Variants in NINJ2 observed in about 807,000 individuals in gnomAD.
NINJ2 encodes ninjurin 2.
A neutral mutation model predicts 11.7 loss-of-function variants in NINJ2; 12 were observed. That is an observed-to-expected ratio of 1.02 (90% CI 0.66 to 1.66). The LOEUF (loss-of-function observed/expected upper bound fraction) is 1.66. Ranked by LOEUF, NINJ2 falls within the 40% of genes most tolerant of loss-of-function variation. The pLI, the probability that NINJ2 is intolerant of heterozygous loss-of-function variation, is 0.00. For missense variants in NINJ2, 187 were observed against 181.8 expected (o/e 1.03, Z -0.16); for synonymous variants, 93 against 76.8 (o/e 1.21, Z -1.10).
At chr12:623,611 G>A (rs913407400) in intron 1 of NINJ2, among the ~76,000 whole-genome samples, 1 of 152,268 alleles carries the variant, frequency 6.6e-6, no homozygotes, top group African/African-American at 2.4e-5. Context: ...TGGGATGAGT[G>A]AGAGGCGACA....
chr12:608,049 C>T (rs1360711224), intron 1 of NINJ2, among the ~76,000 whole-genome samples: 3 of 152,120 alleles, frequency 2.0e-5, no homozygotes, highest in Non-Finnish European at 2.9e-5. Context: ...TCTGGGCCCT[C>T]GGTGTGCTGT....
chr12:620,898 G>A (rs560931260), intron 1 of NINJ2, among the ~76,000 whole-genome samples: 2 of 152,260 alleles, frequency 1.3e-5, no homozygotes, highest in South Asian at 2.1e-4. Context: ...CCAGAGTGCT[G>A]GGATTACAGG....
At chr12:577,292 T>C (rs1212708907) in intron 1 of NINJ2, among the ~76,000 whole-genome samples, 14 of 148,096 alleles carry the variant, frequency 9.5e-5, no homozygotes. Context: ...GAAGTTAAGC[T>C]AGGCTAAACT....
At position 581,125 on chromosome 12, in the gene NINJ2, G is replaced by T. The variant is rs1344650545; in HGVS notation, c.34-14947C>A. ...TGTGTGTCTGTGTCTGTGTGTGCGT[G>T]TCTCTGTGCCTCTGTGTGTGTGTGC... On this transcript the variant is annotated intron_variant, in intron 1 of 3. Coordinates refer to ENST00000305108, the MANE Select transcript of NINJ2 (RefSeq NM_016533.6). This position sits in a 1 kb window ranked among gnomAD's most constrained non-coding sequence, Gnocchi z 4.9. Among the ~76,000 whole-genome samples the T allele has an allele frequency of 1.3e-5, 2 of 150,964 alleles. No homozygotes were observed. Among genetic ancestry groups the T allele is most frequent in the Non-Finnish European group, 3.0e-5 (2 of 67,726 alleles).
chr12:612,363 A>G (rs1008201066), intron 1 of NINJ2, among the ~76,000 whole-genome samples: 2 of 152,056 alleles, frequency 1.3e-5, no homozygotes, highest in Admixed American at 6.6e-5. Context: ...CCAATTCCAC[A>G]CACCTAGGAG....
At chr12:627,932 C>T (rs1236786005) in intron 1 of NINJ2, among the ~76,000 whole-genome samples, 2 of 152,122 alleles carry the variant, frequency 1.3e-5, no homozygotes, top group Non-Finnish European at 2.9e-5. Flanking sequence ...GAGACTCCGT[C>T]TCAAAAAGAA....
rs778635260 is a variant in NINJ2, at chr12:580,599, ATAT to A, written c.34-14424_34-14422del. Among the ~76,000 whole-genome samples the A allele has an allele frequency of 0.23, 13,460 of 57,676 alleles. 644 individuals carry two copies. The highest frequency in any genetic ancestry group is 0.25 in the African/African-American group (5,031 of 20,076). 37.8% of individuals were successfully genotyped at this position (57,676 alleles called of 152,430 possible). A position where few individuals can be genotyped will look rare whatever the true frequency, so the allele number is the denominator to read the frequency against. On this transcript the variant is annotated intron_variant, in intron 1 of 3. Coordinates refer to ENST00000305108, the MANE Select transcript of NINJ2 (RefSeq NM_016533.6). This position sits in a 1 kb window ranked among gnomAD's most constrained non-coding sequence, Gnocchi z 4.7. The stretch of plus-strand genomic sequence containing the variant: ...GAGACCCTGTCTCAAAAAAAAAAAA[ATAT>A]ATATATATATATATCCATTTGTCAT...
At chr12:632,360 G>A (rs1427540465) in intron 1 of NINJ2, 1 of 152,232 alleles carries the variant, frequency 6.6e-6, no homozygotes. Context: ...AAATTCCAGT[G>A]TCAGGAGTGT....
At chr12:660,128 GAA>G (rs34927965) in intron 1 of NINJ2, among the ~76,000 whole-genome samples, 2 of 148,070 alleles carry the variant, frequency 1.4e-5, no homozygotes. Context: ...ACTAAAAAAA[GAA>G]AAAAAAAATT....
At chr12:652,284 GA>G (rs962667350) in intron 1 of NINJ2, among the ~76,000 whole-genome samples, 1 of 152,134 alleles carries the variant, frequency 6.6e-6, no homozygotes. Context: ...AGCATTGAAG[GA>G]AAAAAATCCA....
At chr12:574,632 C>T (rs1040870831) in intron 1 of NINJ2, among the ~76,000 whole-genome samples, 22 of 152,172 alleles carry the variant, frequency 1.4e-4, no homozygotes, top group Non-Finnish European at 2.2e-4. Flanking sequence ...AAGGATGTGG[C>T]ATGAAGGCCC....
chr12:565,257 C>G lies in NINJ2; in HGVS notation c.407G>C (p.Arg136Thr), dbSNP rs1225488360. The change falls in exon 3 of 4, where the codon AGG becomes ACG. Residue 136 changes from arginine to threonine, a missense_variant. Transcript: ENST00000305108. ...CATTCAGAGAGGATTCCTTGAGGCC[C>G]TGGCAGCCAGGAACCCTGTTTTATG... ...GAHKTGFLAA[R>T]ASRNPL The G allele has an allele frequency of 6.2e-7, 1 of 1,614,020 alleles. No individual in the cohort carries two copies. Among genetic ancestry groups the G allele is most frequent in the Admixed American group, 1.7e-5 (1 of 60,012 alleles).
intron 1 of NINJ2, among the ~76,000 whole-genome samples, chr12:636,709 T>TGAAAAAAATGAAAGAAGAAA (rs1948356450): frequency 1.2e-4 from 18 of 152,080 alleles, no homozygotes; most frequent in Admixed American, 1.2e-3. Context: ...GATGACTATT[T>TGAAAAAAATGAAAGAAGAAA]GAAAAAAATG....
rs145305858 is a variant in NINJ2 at position 615,298 on chromosome 12, C to G, written c.33+48030G>C. Among the ~76,000 whole-genome samples, 4 of 152,294 alleles carry G rather than the reference C, an allele frequency of 2.6e-5. No individual in the cohort carries two copies. In the East Asian group the frequency reaches 7.7e-4, roughly 29 times the overall value. ...CCAAAGGCTAGATCTCCTTCTCGTTCTTTTCTCTACTAAGAAACTCTGGCT... is the reference window on the plus strand; with the variant it reads ...CCAAAGGCTAGATCTCCTTCTCGTTGTTTTCTCTACTAAGAAACTCTGGCT... On this transcript the variant is annotated intron_variant, in intron 1 of 3. Coordinates refer to ENST00000305108, the MANE Select transcript of NINJ2 (RefSeq NM_016533.6).
At chr12:636,599 C>G (rs1034339531) in intron 1 of NINJ2, among the ~76,000 whole-genome samples, 6 of 151,876 alleles carry the variant, frequency 4.0e-5, no homozygotes, top group African/African-American at 1.5e-4. Context: ...AAAGAAGACA[C>G]ACAAATGGCC....
intron 1 of NINJ2, among the ~76,000 whole-genome samples, chr12:621,563 G>A (rs1948153236): frequency 6.6e-6 from 1 of 152,184 alleles, no homozygotes; most frequent in African/African-American, 2.4e-5. Flanking sequence ...GTTCACAACT[G>A]TAATCCCAGC....
chr12:600,080 C>A (rs1470412786), intron 1 of NINJ2, among the ~76,000 whole-genome samples: 1 of 152,184 alleles, frequency 6.6e-6, no homozygotes, highest in African/African-American at 2.4e-5. Context: ...CTTCCGAACG[C>A]CTGAGCCACT....
intron 1 of NINJ2, among the ~76,000 whole-genome samples, chr12:577,448 T>TATATACATATATATATGTATATA: frequency 7.0e-6 from 1 of 141,992 alleles, no homozygotes; most frequent in East Asian, 2.0e-4. Flanking sequence ...TATATAAATA[T>TATATACATATATATATGTATATA]TTTGGCACGA....
At chr12:600,801 C>A (rs1370953882) in intron 1 of NINJ2, among the ~76,000 whole-genome samples, 1 of 151,894 alleles carries the variant, frequency 6.6e-6, no homozygotes, top group Non-Finnish European at 1.5e-5. Context: ...CCCACCTCGG[C>A]CTCCAAAAGT....
Sources: gnomAD v4.1 joint callset for allele counts (sites outside exome capture counted in the v4.1 genomes callset) on GRCh38, gnomAD v4.1.1 for gene constraint, Gnocchi (gnomAD v3.1) non-coding constraint, MANE v1.5 for transcripts, NCBI Gene and HGNC (gene_info 2026-07-23, HGNC 2026-07-21) for gene names.